Variants in EDARADD observed in about 807,000 individuals in gnomAD.
EDARADD encodes ectodysplasin-A receptor-associated adapter protein.
A neutral mutation model predicts 25.6 loss-of-function variants in EDARADD; 20 were observed. That is an observed-to-expected ratio of 0.78 (90% CI 0.55 to 1.14). The LOEUF is 1.14. Ranked by LOEUF, EDARADD falls within the 50% of genes most tolerant of loss-of-function variation. EDARADD has a pLI of 0.00. For missense variants in EDARADD, 225 were observed against 270.1 expected (o/e 0.83, Z 1.17); for synonymous variants, 86 against 94.4 (o/e 0.91, Z 0.52).
In EDARADD at chr1:236,482,920, C is replaced by A. The variant is rs1024732136; in HGVS notation, c.*271C>A. The stretch of plus-strand genomic sequence containing the variant: ...CCTCTAAGGGCCAAAGTCCTACAAT[C>A]GGAATGGATTCATGCCACGTTGAAG... On this transcript the variant is annotated 3_prime_UTR_variant, in exon 6 of 6. Coordinates refer to ENST00000334232, the MANE Select transcript of EDARADD (RefSeq NM_145861.4). 5 of 604,870 alleles carry A rather than the reference C, an allele frequency of 8.3e-6. No homozygotes were observed. Among genetic ancestry groups the A allele is most frequent in the Non-Finnish European group, 8.7e-6 (3 of 345,542 alleles). 37.5% of individuals were successfully genotyped at this position (604,870 alleles called of 1,614,324 possible).
chr1:236,446,281 T>C (rs1658536451), intron 4 of EDARADD, among the ~76,000 whole-genome samples: 1 of 152,124 alleles, frequency 6.6e-6, no homozygotes, highest in Non-Finnish European at 1.5e-5. Flanking sequence ...TTTCAAACTT[T>C]AGACGATAAC....
At chr1:236,482,047 G>A (rs1250195352) in intron 5 of EDARADD, among the ~76,000 whole-genome samples, 1 of 150,412 alleles carries the variant, frequency 6.6e-6, no homozygotes, top group East Asian at 2.0e-4. Flanking sequence ...CCTGGGAGGC[G>A]GAGCTTGCAG....
At chr1:236,422,588 T>C (rs535988825) in intron 3 of EDARADD, among the ~76,000 whole-genome samples, 2 of 152,298 alleles carry the variant, frequency 1.3e-5, no homozygotes, top group Non-Finnish European at 2.9e-5. Flanking sequence ...GGTTAAGGGA[T>C]GGAAAGCAGC....
chr1:236,361,635 T>TTATATATATATATATATA (rs146661697), intron 3 of EDARADD, among the ~76,000 whole-genome samples: 7,567 of 133,780 alleles, frequency 0.057, 349 homozygotes, highest in East Asian at 0.11. Context: ...CAGCCAAATT[T>TTATATATATATATATATA]TATATATATA....
At chr1:236,434,781 G>A (rs1004434678) in intron 4 of EDARADD, among the ~76,000 whole-genome samples, 1 of 152,104 alleles carries the variant, frequency 6.6e-6, no homozygotes, top group Non-Finnish European at 1.5e-5. Context: ...ATGCCGGAGA[G>A]GGGTGGGTGG....
Position 236,355,230 on chromosome 1 carries a change from C to T in EDARADD, c.-6+4391C>T, listed in dbSNP as rs191284782. On this transcript the variant is annotated intron_variant, in intron 3 of 7. Coordinates refer to the EDARADD transcript ENST00000439430. The stretch of plus-strand genomic sequence containing the variant: ...AGTAGATGGCCCATATTTACTGCTA[C>T]GTTGCTGTTGTGATTGTTATTTTCT... Among the ~76,000 whole-genome samples, 43 of 152,292 alleles carry T rather than the reference C, an allele frequency of 2.8e-4. No homozygotes were observed. The East Asian group carries it at 3.7e-3, about 13-fold the overall frequency.
rs1374421792 is a variant in EDARADD at position 236,395,825 on chromosome 1, G to C, written c.61+1320G>C. On this transcript the variant is annotated intron_variant, in intron 1 of 5. Transcript: ENST00000334232. This position sits in a 1 kb window ranked among gnomAD's most constrained non-coding sequence, Gnocchi z 6.9. ...CAGGCGCCAGACCCGGAGTCGCACG[G>C]GGCTCCCAGTCCAGCCCCGCGAGCG... 2.6e-5 allele frequency among the ~76,000 whole-genome samples: 4 copies of C among 151,424 alleles called. No individual in the cohort carries two copies. The highest frequency in any genetic ancestry group is 2.6e-4 in the Admixed American group (4 of 15,226).
intron 4 of EDARADD, among the ~76,000 whole-genome samples, chr1:236,433,404 A>G (rs1380416157): frequency 1.3e-5 from 2 of 151,866 alleles, no homozygotes; most frequent in African/African-American, 4.8e-5. Context: ...GTCTCTACTA[A>G]AAATACAAGC....
rs1488840621 is a variant in EDARADD at position 236,361,633 on chromosome 1, T to TG, written c.-6+10794_-6+10795insG. Among the ~76,000 whole-genome samples, 92 of 69,112 alleles carry TG rather than the reference T, an allele frequency of 1.3e-3. 1 individual carries two copies. Among genetic ancestry groups the TG allele is most frequent in the African/African-American group, 5.7e-3 (89 of 15,564 alleles). 45.3% of individuals were successfully genotyped at this position (69,112 alleles called of 152,430 possible). On this transcript the variant is annotated intron_variant, in intron 3 of 7. Coordinates refer to the EDARADD transcript ENST00000439430. Reference sequence around the variant, plus strand: ...ACGTGAGCCACCACGCACAGCCAAATTTTATATATATATATATTCCTTCAT... The same window carrying TG: ...ACGTGAGCCACCACGCACAGCCAAATGTTTATATATATATATATTCCTTCAT...
chr1:236,377,149 GTTTA>G (rs112393651), intron 3 of EDARADD, among the ~76,000 whole-genome samples: 35,604 of 145,740 alleles, frequency 0.24, 4,633 homozygotes, highest in East Asian at 0.39. Flanking sequence ...TATATATTTT[GTTTA>G]TTTATTTATT....
At chr1:236,457,823 C>CAA (rs1553269204) in intron 4 of EDARADD, among the ~76,000 whole-genome samples, 2,017 of 118,154 alleles carry the variant, frequency 0.017, 52 homozygotes, top group African/African-American at 0.059. Flanking sequence ...TGTCCCCCAC[C>CAA]AAAAAAAAAA....
intron 4 of EDARADD, among the ~76,000 whole-genome samples, chr1:236,443,573 T>C (rs1439937248): frequency 1.3e-5 from 2 of 152,188 alleles, no homozygotes; most frequent in East Asian, 3.9e-4. Context: ...GAATTAAAAT[T>C]AGAAGTGGTG....
At chr1:236,472,183 G>A (rs1659377008) in intron 5 of EDARADD, among the ~76,000 whole-genome samples, 1 of 152,158 alleles carries the variant, frequency 6.6e-6, no homozygotes, top group South Asian at 2.1e-4. Flanking sequence ...AGAGTGTGGA[G>A]AAGCCCTGTG....
chr1:236,458,857 G>A (rs1476797865), intron 4 of EDARADD, among the ~76,000 whole-genome samples: 1 of 151,834 alleles, frequency 6.6e-6, no homozygotes, highest in East Asian at 1.9e-4. Context: ...TGGTTAGGCT[G>A]GTTTGAACTC....
In EDARADD at chr1:236,463,256, A is replaced by G. The variant is rs537945159; in HGVS notation, c.220-4975A>G. Among the ~76,000 whole-genome samples the G allele has an allele frequency of 4.6e-5, 7 of 152,352 alleles. 1 individual carries two copies. The highest frequency in any genetic ancestry group is 4.1e-4 in the South Asian group (2 of 4,824). ...TACTGCCCACATCGTTTGAGAGAACACATTTTAAACATTTTTTTATTGTGG... is the reference window on the plus strand; with the variant it reads ...TACTGCCCACATCGTTTGAGAGAACGCATTTTAAACATTTTTTTATTGTGG... On this transcript the variant is annotated intron_variant, in intron 4 of 5. Coordinates refer to ENST00000334232, the MANE Select transcript of EDARADD (RefSeq NM_145861.4).
intron 1 of EDARADD, among the ~76,000 whole-genome samples, chr1:236,401,622 A>T (rs1667613104): frequency 6.6e-6 from 1 of 152,102 alleles, no homozygotes; most frequent in Non-Finnish European, 1.5e-5. Context: ...AGTAGATGAG[A>T]TTTAGGATTT....
At chr1:236,419,641 C>G (rs1276911708) in intron 3 of EDARADD, among the ~76,000 whole-genome samples, 1 of 152,048 alleles carries the variant, frequency 6.6e-6, no homozygotes, top group Non-Finnish European at 1.5e-5. Context: ...GGGGAGAGCT[C>G]AGCACTCTGA....
chr1:236,454,934 G>T (rs1431918341), intron 4 of EDARADD, among the ~76,000 whole-genome samples: 1 of 152,192 alleles, frequency 6.6e-6, no homozygotes, highest in African/African-American at 2.4e-5. Context: ...TGGAAAGGCC[G>T]TGTGTGGTGG....
At chr1:236,438,017 G>A (rs1366449544) in intron 4 of EDARADD, among the ~76,000 whole-genome samples, 9 of 152,116 alleles carry the variant, frequency 5.9e-5, no homozygotes, top group African/African-American at 1.2e-4. Context: ...GCCCAGGGTC[G>A]GTTCCTTCTG....
Sources: allele counts gnomAD v4.1 joint callset (sites outside exome capture counted in the v4.1 genomes callset), GRCh38; gene constraint gnomAD v4.1.1; non-coding constraint Gnocchi (gnomAD v3.1); transcripts MANE v1.5; gene names NCBI Gene and HGNC (gene_info 2026-07-23, HGNC 2026-07-21).